SUGCT: variants seen among roughly 807,000 people sequenced by gnomAD.
SUGCT encodes succinyl-CoA:glutarate-CoA transferase.
In SUGCT, 41 loss-of-function variants were observed where a neutral mutation model predicts 55.0. The observed-to-expected ratio is 0.74, with a 90% CI of 0.58 to 0.97. SUGCT has a LOEUF of 0.97. Among genes scored for constraint, SUGCT ranks in the 50% least tolerant of loss-of-function variants. The probability of loss-of-function intolerance (pLI) is 0.00; values close to 1 mark genes in which losing one functional copy is unlikely to be tolerated. For missense variants in SUGCT, 568 were observed against 547.8 expected (o/e 1.04, Z -0.37); for synonymous variants, 187 against 200.4 (o/e 0.93, Z 0.56).
chr7:40,608,172 T>A (rs1798613062), intron 12 of SUGCT, among the ~76,000 whole-genome samples: 1 of 152,228 alleles, frequency 6.6e-6, no homozygotes, highest in Non-Finnish European at 1.5e-5. Context: ...CATTACGTAA[T>A]GTAACATACA....
At chr7:40,536,378 G>T (rs1794363408) in intron 12 of SUGCT, among the ~76,000 whole-genome samples, 1 of 152,206 alleles carries the variant, frequency 6.6e-6, no homozygotes, top group South Asian at 2.1e-4. Context: ...GGGATTGCTG[G>T]TGTCTGAAGG....
At chr7:40,716,498 CT>C (rs998527176) in intron 12 of SUGCT, among the ~76,000 whole-genome samples, 1 of 152,070 alleles carries the variant, frequency 6.6e-6, no homozygotes. Context: ...CTATTAAATG[CT>C]TGTTGTGTTT....
chr7:40,325,787 C>T (rs966430424), intron 9 of SUGCT, among the ~76,000 whole-genome samples: 2 of 151,906 alleles, frequency 1.3e-5, no homozygotes, highest in African/African-American at 4.8e-5. Context: ...GCCTGGGCGA[C>T]GAGCAAAACT....
intron 9 of SUGCT, among the ~76,000 whole-genome samples, chr7:40,389,425 C>T (rs1375765450): frequency 7.0e-6 from 1 of 143,074 alleles, no homozygotes; most frequent in Non-Finnish European, 1.5e-5. Context: ...GTACTCTAGC[C>T]TGGGCACGCC....
At chr7:40,903,782 T>A in the SUGCT span, among the ~76,000 whole-genome samples, 1 of 152,004 alleles carries the variant, frequency 6.6e-6, no homozygotes, top group South Asian at 2.1e-4. Context: ...TTACCTTACA[T>A]CCTCCTACCA....
Position 40,647,095 on chromosome 7 carries a change from G to A in SUGCT, c.1090-102339G>A, listed in dbSNP as rs559350257. On this transcript the variant is annotated intron_variant, in intron 12 of 13. Transcript: ENST00000335693. Reference sequence around the variant, plus strand: ...ACATGCAGCTTGACAGGGCAAAGCAGGAACAGATAATATCAGGGCCCTCAG... The same window carrying A: ...ACATGCAGCTTGACAGGGCAAAGCAAGAACAGATAATATCAGGGCCCTCAG... Among the ~76,000 whole-genome samples, 21 of 152,296 alleles carry A rather than the reference G, an allele frequency of 1.4e-4. 1 individual carries two copies. Among genetic ancestry groups the A allele is most frequent in the African/African-American group, 4.8e-4 (20 of 41,554 alleles).
intron 9 of SUGCT, among the ~76,000 whole-genome samples, chr7:40,373,174 G>C (rs972377697): frequency 1.3e-5 from 2 of 151,794 alleles, no homozygotes; most frequent in Non-Finnish European, 3.0e-5. Context: ...GTTCAAGTTA[G>C]AAAGTTAAAT....
intron 8 of SUGCT, among the ~76,000 whole-genome samples, chr7:40,294,710 C>G (rs1187019269): frequency 6.6e-6 from 1 of 152,060 alleles, no homozygotes; most frequent in East Asian, 1.9e-4. Flanking sequence ...CCACGCCCGG[C>G]TAGTTTTTGT....
chr7:41,024,462 A>C, the SUGCT span, among the ~76,000 whole-genome samples: 1 of 152,222 alleles, frequency 6.6e-6, no homozygotes, highest in East Asian at 1.9e-4. Context: ...CAAAGAATCC[A>C]TATCTAGAAC....
intron 12 of SUGCT, among the ~76,000 whole-genome samples, chr7:40,635,031 A>G (rs1322564958): frequency 6.6e-6 from 1 of 152,186 alleles, no homozygotes; most frequent in Non-Finnish European, 1.5e-5. Context: ...CACCCCTGCA[A>G]TCCCAGCACT....
At chr7:40,888,887 T>C in the SUGCT span, among the ~76,000 whole-genome samples, 1 of 152,184 alleles carries the variant, frequency 6.6e-6, no homozygotes, top group Non-Finnish European at 1.5e-5. Context: ...TCCACTTCTG[T>C]TTCTGGAACC....
In SUGCT at chr7:40,618,222, T is replaced by G. The variant is rs1319946420; in HGVS notation, c.1089+121836T>G. ...TCTCTACATGGATGTCTCATAAACA[T>G]CTCAAATTTTTCTGCTAGTCTTGCT... is the stretch of plus-strand genomic sequence containing the variant. On this transcript the variant is annotated intron_variant, in intron 12 of 13. Transcript: ENST00000335693. Among the ~76,000 whole-genome samples, 2 of 152,214 alleles carry G rather than the reference T, an allele frequency of 1.3e-5. 1 individual carries two copies. The highest frequency in any genetic ancestry group is 2.9e-5 in the Non-Finnish European group (2 of 68,040).
the SUGCT span, among the ~76,000 whole-genome samples, chr7:41,003,165 G>GT: frequency 6.6e-6 from 1 of 152,072 alleles, no homozygotes; most frequent in Non-Finnish European, 1.5e-5. Context: ...ACCAACCTAC[G>GT]TAATATTCTG....
chr7:40,729,581 A>G lies in SUGCT; in HGVS notation c.1090-19853A>G, dbSNP rs539173307. ...GAAAGAGTGTGCTGTTCAGGAATCT[A>G]CAAGTGTTTGATGTTGCATTTGGGT... On this transcript the variant is annotated intron_variant, in intron 12 of 13. Coordinates refer to ENST00000335693, the MANE Select transcript of SUGCT (RefSeq NM_001193313.2). 9.9e-4 allele frequency among the ~76,000 whole-genome samples: 151 copies of G among 152,138 alleles called. 5 individuals carry two copies. In the South Asian group the frequency reaches 0.029, roughly 29 times the overall value.
chr7:40,488,366 A>T (rs1310912258), intron 11 of SUGCT, among the ~76,000 whole-genome samples: 2 of 151,686 alleles, frequency 1.3e-5, no homozygotes, highest in Admixed American at 1.3e-4. Context: ...TTTTCACTTC[A>T]CTCCCTCTTC....
chr7:40,595,220 C>T (rs918286269), intron 12 of SUGCT, among the ~76,000 whole-genome samples: 3 of 152,150 alleles, frequency 2.0e-5, no homozygotes, highest in Admixed American at 6.5e-5. Flanking sequence ...CCCACTTCCT[C>T]GGCAGAAGTG....
intron 12 of SUGCT, chr7:40,538,158 G>A (rs1794471689): frequency 6.6e-6 from 1 of 152,054 alleles, no homozygotes; most frequent in Admixed American, 6.5e-5. Context: ...TTATTGCTAT[G>A]ATTAATAACT....
chr7:40,189,694 C>A, intron 5 of SUGCT, 100 bp downstream of exon 5: 2 of 484,584 alleles, frequency 4.1e-6, no homozygotes, highest in Non-Finnish European at 3.5e-6. Context: ...TATGGGTGAT[C>A]TGTACGTTTG....
intron 7 of SUGCT, among the ~76,000 whole-genome samples, chr7:40,246,430 G>A (rs925366792): frequency 5.3e-5 from 8 of 151,276 alleles, no homozygotes; most frequent in Admixed American, 4.6e-4. Context: ...TTGTATTTTT[G>A]GTAGAGACTG....
Sources: gnomAD v4.1 joint callset for allele counts (sites outside exome capture counted in the v4.1 genomes callset) on GRCh38, gnomAD v4.1.1 for gene constraint, MANE v1.5 for transcripts, NCBI Gene and HGNC (gene_info 2026-07-23, HGNC 2026-07-21) for gene names.